Variants in CTNNA3 observed in about 807,000 individuals in gnomAD.
CTNNA3 encodes catenin alpha-3.
CTNNA3 carries 76 observed loss-of-function variants against 95.7 expected under a neutral mutation model. The ratio of observed to expected loss-of-function variants is 0.79; its 90% CI spans 0.66 to 0.96. The LOEUF (loss-of-function observed/expected upper bound fraction) is 0.96, where lower values mean the gene tolerates loss of function less well. CTNNA3 is among the 40% of genes least tolerant of loss of function. The pLI is 0.00. For missense variants in CTNNA3, 1,191 were observed against 1,089.8 expected (o/e 1.09, Z -1.31); for synonymous variants, 431 against 374.4 (o/e 1.15, Z -1.74).
At chr10:66,595,191 C>T (rs1008860507) in intron 10 of CTNNA3, among the ~76,000 whole-genome samples, 1 of 152,020 alleles carries the variant, frequency 6.6e-6, no homozygotes, top group Non-Finnish European at 1.5e-5. Flanking sequence ...AGAATAGACG[C>T]ATTAAAAAGC....
chr10:67,016,751 C>T (rs191490259), intron 7 of CTNNA3, among the ~76,000 whole-genome samples: 98 of 152,184 alleles, frequency 6.4e-4, no homozygotes, highest in Non-Finnish European at 1.2e-3. Flanking sequence ...TAATTTGTAT[C>T]ATTGCAGTTG....
chr10:66,261,329 T>C (rs555168818), intron 13 of CTNNA3, among the ~76,000 whole-genome samples: 9 of 152,242 alleles, frequency 5.9e-5, no homozygotes, highest in African/African-American at 1.9e-4. Flanking sequence ...AGAAACTAAT[T>C]TGACCTTCCC....
intron 5 of CTNNA3, among the ~76,000 whole-genome samples, chr10:67,423,369 G>C (rs958582616): frequency 1.3e-5 from 2 of 152,098 alleles, no homozygotes; most frequent in South Asian, 2.1e-4. Context: ...AGAATGTTTA[G>C]AGATATTGAC....
chr10:67,137,723 C>T (rs1860364533), intron 7 of CTNNA3, among the ~76,000 whole-genome samples: 1 of 151,844 alleles, frequency 6.6e-6, no homozygotes, highest in Non-Finnish European at 1.5e-5. Flanking sequence ...TTGGTAAAGC[C>T]ACCTGCAGAG....
Position 66,601,919 on chromosome 10 carries a change from A to G in CTNNA3, c.1374+19773T>C, listed in dbSNP as rs537863382. 5.3e-5 allele frequency among the ~76,000 whole-genome samples: 8 copies of G among 151,916 alleles called. No homozygotes were observed. The South Asian group carries it at 8.3e-4, about 16-fold the overall frequency. Reference sequence around the variant, plus strand: ...CTTTTAGGTTCAGTGTAGATATGAAATTAGAATACTCTCTTCTTGAAAAGA... The same window carrying G: ...CTTTTAGGTTCAGTGTAGATATGAAGTTAGAATACTCTCTTCTTGAAAAGA... On this transcript the variant is annotated intron_variant, in intron 10 of 17. Transcript: ENST00000433211.
At chr10:66,360,745 T>C (rs1589138660) in intron 12 of CTNNA3, among the ~76,000 whole-genome samples, 15 of 34,738 alleles carry the variant, frequency 4.3e-4, no homozygotes, top group African/African-American at 2.7e-3. Context: ...TCTTTCTTTC[T>C]TCCTTCCTTC....
intron 13 of CTNNA3, among the ~76,000 whole-genome samples, chr10:66,255,701 T>G (rs73317806): frequency 6.6e-6 from 1 of 152,108 alleles, no homozygotes; most frequent in Non-Finnish European, 1.5e-5. Context: ...AAGCCACTAG[T>G]ACAGAGTCCT....
At chr10:66,491,340 A>C (rs539477031) in intron 11 of CTNNA3, among the ~76,000 whole-genome samples, 1 of 152,302 alleles carries the variant, frequency 6.6e-6, no homozygotes, top group African/African-American at 2.4e-5. Context: ...AAATACAAGA[A>C]GAAAAAGGTA....
chr10:66,620,482 A>C (rs1200470495), intron 10 of CTNNA3, among the ~76,000 whole-genome samples: 5 of 152,206 alleles, frequency 3.3e-5, no homozygotes, highest in Non-Finnish European at 5.9e-5. Flanking sequence ...CATTAAAACC[A>C]ATGAGAGATA....
intron 5 of CTNNA3, among the ~76,000 whole-genome samples, chr10:67,232,951 G>A (rs1865288503): frequency 1.3e-5 from 2 of 152,256 alleles, no homozygotes; most frequent in South Asian, 4.1e-4. Flanking sequence ...AATTCAACAA[G>A]AAGAGCTAAC....
chr10:66,264,699 C>G (rs1378095170), intron 13 of CTNNA3, among the ~76,000 whole-genome samples: 1 of 151,908 alleles, frequency 6.6e-6, no homozygotes, highest in East Asian at 1.9e-4. Flanking sequence ...CTATATCGGA[C>G]AGTGCAGCTC....
intron 13 of CTNNA3, among the ~76,000 whole-genome samples, chr10:66,164,066 C>G (rs1043735146): frequency 6.6e-6 from 1 of 152,096 alleles, no homozygotes; most frequent in Non-Finnish European, 1.5e-5. Flanking sequence ...CTTTGAAAAA[C>G]TGTTTGAGAG....
intron 7 of CTNNA3, among the ~76,000 whole-genome samples, chr10:67,027,291 G>A (rs193082593): frequency 7.9e-4 from 121 of 152,210 alleles, no homozygotes; most frequent in Non-Finnish European, 4.3e-4. Flanking sequence ...AATTCCCCTC[G>A]TGGAACTCAC....
chr10:67,134,941 T>C (rs1860221222), intron 7 of CTNNA3, among the ~76,000 whole-genome samples: 1 of 152,004 alleles, frequency 6.6e-6, no homozygotes. Flanking sequence ...CTGAGACCCA[T>C]GATTCCTAGA....
At chr10:66,687,712 T>TAC (rs1331509356) in intron 9 of CTNNA3, among the ~76,000 whole-genome samples, 108 of 96,738 alleles carry the variant, frequency 1.1e-3, no homozygotes, top group South Asian at 5.5e-3. Flanking sequence ...TATATATATA[T>TAC]ATATATACAC....
intron 3 of CTNNA3, among the ~76,000 whole-genome samples, chr10:67,591,578 C>G (rs1032620561): frequency 6.6e-6 from 1 of 151,922 alleles, no homozygotes; most frequent in Non-Finnish European, 1.5e-5. Flanking sequence ...GTCACATAGA[C>G]ATAGCTAAAC....
rs185031230 is a variant in CTNNA3, at chr10:65,993,546, C to A, written c.2160-4749G>T. ...GTTTTTGACTTAAAAATGTTTTTAT[C>A]AGATATAAGTAGAGATACTTATGCT... On this transcript the variant is annotated intron_variant, in intron 15 of 17. Transcript: ENST00000433211. 2.5e-3 allele frequency among the ~76,000 whole-genome samples: 376 copies of A among 152,244 alleles called. 3 individuals carry two copies. The highest frequency in any genetic ancestry group is 8.6e-3 in the African/African-American group (356 of 41,534).
chr10:67,140,885 C>A (rs1489510754), intron 7 of CTNNA3, among the ~76,000 whole-genome samples: 1 of 152,142 alleles, frequency 6.6e-6, no homozygotes, highest in East Asian at 1.9e-4. Flanking sequence ...GACAGCATTG[C>A]TACATTACAT....
At chr10:66,912,320 T>C (rs190985045) in intron 7 of CTNNA3, among the ~76,000 whole-genome samples, 54 of 152,208 alleles carry the variant, frequency 3.5e-4, no homozygotes, top group Non-Finnish European at 6.5e-4. Flanking sequence ...AGCAAAGTAT[T>C]CCAAAGCATA....
Sources: gnomAD v4.1 joint callset for allele counts (sites outside exome capture counted in the v4.1 genomes callset) on GRCh38, gnomAD v4.1.1 for gene constraint, MANE v1.5 for transcripts, NCBI Gene and HGNC (gene_info 2026-07-23, HGNC 2026-07-21) for gene names.